The following ZSWIM7 variants were observed in gnomAD, a reference collection of about 807,000 sequenced individuals.
ZSWIM7 encodes zinc finger SWIM domain-containing protein 7.
A neutral mutation model predicts 21.1 loss-of-function variants in ZSWIM7; 22 were observed. The observed-to-expected ratio is 1.04, with a 90% CI of 0.74 to 1.49. ZSWIM7 has a LOEUF of 1.49. Ranked by LOEUF, ZSWIM7 falls within the 40% of genes most tolerant of loss-of-function variation. ZSWIM7 has a pLI of 0.00. For synonymous variants in ZSWIM7, 67 were observed against 66.5 expected, an observed-to-expected ratio of 1.01 and a Z score of -0.04; for missense variants, 193 against 168.0, an observed-to-expected ratio of 1.15 and a Z score of -0.82.
At chr17:15,989,470 C>T (rs571570292) in intron 2 of ZSWIM7, among the ~76,000 whole-genome samples, 73 of 152,052 alleles carry the variant, frequency 4.8e-4, no homozygotes, top group African/African-American at 1.4e-3. Context: ...GTGCAGGCCA[C>T]CATGCCCAGG....
chr17:15,991,914 G>GTTTGT (rs1232326492), intron 2 of ZSWIM7, among the ~76,000 whole-genome samples: 2 of 49,526 alleles, frequency 4.0e-5, no homozygotes, highest in Admixed American at 2.0e-4. Flanking sequence ...GTTTTTTTTT[G>GTTTGT]TTTGTTTTGT....
chr17:15,989,444 G>A (rs550980170), intron 2 of ZSWIM7, among the ~76,000 whole-genome samples: 1 of 152,030 alleles, frequency 6.6e-6, no homozygotes, highest in South Asian at 2.1e-4. Flanking sequence ...AGCCTCCTGA[G>A]TAGCTGGGAT....
chr17:15,989,938 C>T lies in ZSWIM7; in HGVS notation c.99-2570G>A, dbSNP rs1055847811. Among the ~76,000 whole-genome samples, 5 of 152,054 alleles carry T rather than the reference C, an allele frequency of 3.3e-5. No homozygotes were observed. The South Asian group carries it at 6.2e-4, about 19-fold the overall frequency. On this transcript the variant is annotated intron_variant, in intron 2 of 4. Coordinates refer to ENST00000399277, the MANE Select transcript of ZSWIM7 (RefSeq NM_001042697.2). ...TTAATTTTTTGAAAAGGCAATAAAC[C>T]GGCCAGGCGCGGTGGCTCACACCTG... is the stretch of plus-strand genomic sequence containing the variant.
At chr17:15,997,569 C>T (rs901795071) in intron 1 of ZSWIM7, among the ~76,000 whole-genome samples, 1 of 152,038 alleles carries the variant, frequency 6.6e-6, no homozygotes, top group African/African-American at 2.4e-5. Flanking sequence ...TATCATCATA[C>T]AAATAAAACT....
intron 2 of ZSWIM7, among the ~76,000 whole-genome samples, 162 bp from the exon 3 acceptor site, chr17:15,987,530 ATTAATG>A (rs1263123719): frequency 6.6e-6 from 1 of 152,168 alleles, no homozygotes; most frequent in African/African-American, 2.4e-5. Context: ...ACTCCCCAGA[ATTAATG>A]TTAATATCTT....
rs185941188 is a variant in ZSWIM7 at position 15,979,901 on chromosome 17, C to T, written c.306+1139G>A. ...CTGACCCCCCCACCTCCCTCCCGGA[C>T]GGGGGGCTGAACCCCCCACCTCCCT... is the stretch of plus-strand genomic sequence containing the variant. On this transcript the variant is annotated intron_variant, in intron 4 of 4. Transcript: ENST00000399277. 2.3e-3 allele frequency among the ~76,000 whole-genome samples: 81 copies of T among 35,424 alleles called. 6 individuals are homozygous for T. The highest frequency in any genetic ancestry group is 7.6e-3 in the African/African-American group (41 of 5,416). The allele number at this position is 35,424 out of a possible 152,430, so 23.2% of individuals were successfully genotyped here. A position where few individuals can be genotyped will look rare whatever the true frequency, so the allele number is the denominator to read the frequency against.
chr17:15,997,423 G>A (rs1377938612), intron 1 of ZSWIM7, among the ~76,000 whole-genome samples: 2 of 152,080 alleles, frequency 1.3e-5, no homozygotes, highest in Non-Finnish European at 2.9e-5. Flanking sequence ...GGTTAAAGTA[G>A]GAATAAATAT....
At chr17:15,979,177 A>AGTG in intron 4 of ZSWIM7, among the ~76,000 whole-genome samples, 1 of 151,520 alleles carries the variant, frequency 6.6e-6, no homozygotes, top group East Asian at 1.9e-4. Context: ...GAGATTAGGG[A>AGTG]GTGGTGATGA....
intron 1 of ZSWIM7, among the ~76,000 whole-genome samples, chr17:15,997,242 C>T (rs1970566330): frequency 6.6e-6 from 1 of 151,776 alleles, no homozygotes; most frequent in Non-Finnish European, 1.5e-5. Context: ...ACAGAGAATT[C>T]CCAGATAATA....
chr17:15,981,694 ACCCCCCC>A (rs199881543), intron 3 of ZSWIM7, among the ~76,000 whole-genome samples: 1 of 150,694 alleles, frequency 6.6e-6, no homozygotes, highest in Non-Finnish European at 1.5e-5. Context: ...GGATCACTTG[ACCCCCCC>A]CAGAGTTCAA....
intron 3 of ZSWIM7, among the ~76,000 whole-genome samples, chr17:15,986,387 G>T (rs866420122): frequency 1.3e-5 from 2 of 152,094 alleles, no homozygotes; most frequent in African/African-American, 4.8e-5. Context: ...TTTGTTAAGT[G>T]AAACTATGCT....
At chr17:15,997,805 G>GA (rs1352749204) in intron 1 of ZSWIM7, among the ~76,000 whole-genome samples, 4 of 151,984 alleles carry the variant, frequency 2.6e-5, no homozygotes, top group South Asian at 2.1e-4. Context: ...TTGTTGGAGG[G>GA]AAAAAACCCA....
rs551134103 is a variant in ZSWIM7 at position 15,979,013 on chromosome 17, T to C, written c.307-850A>G. ...TTATTTATTTATTTATTTTTATTGA[T>C]CATTCTTGGGTGTTTCTCACAGAGG... On this transcript the variant is annotated intron_variant, in intron 4 of 4. Transcript: ENST00000399277. Among the ~76,000 whole-genome samples the C allele has an allele frequency of 2.6e-4, 39 of 151,218 alleles. 1 individual carries two copies. The highest frequency in any genetic ancestry group is 2.3e-3 in the Admixed American group (35 of 15,162).
intron 1 of ZSWIM7, among the ~76,000 whole-genome samples, chr17:15,996,738 T>C (rs958616670): frequency 4.0e-5 from 6 of 151,760 alleles, no homozygotes; most frequent in Non-Finnish European, 1.5e-5. Flanking sequence ...GTGGTACCAG[T>C]TACTCAGGAG....
rs564927051 is a variant in ZSWIM7, at chr17:15,977,864, C to T, written c.*183G>A. 7.1e-6 allele frequency: 4 copies of T among 565,152 alleles called. No homozygotes were observed. Among genetic ancestry groups the T allele is most frequent in the Non-Finnish European group, 1.3e-5 (4 of 312,272 alleles). 35.0% of individuals were successfully genotyped at this position (565,152 alleles called of 1,614,324 possible). ...AGACTGTACAGGGCTTCTCATCATA[C>T]ACAAACCCTCCACAGCCCACGGCTC... On this transcript the variant is annotated 3_prime_UTR_variant, in exon 5 of 5. Transcript: ENST00000399277.
At chr17:15,978,232 T>C in intron 4 of ZSWIM7, 69 bp from the exon 5 acceptor site, 1 of 1,081,660 alleles carries the variant, frequency 9.2e-7, no homozygotes, top group Non-Finnish European at 1.4e-6. Context: ...AACCAAGATT[T>C]CTCATTACCA....
chr17:15,990,450 A>G (rs1017168485), intron 2 of ZSWIM7, among the ~76,000 whole-genome samples: 2 of 151,810 alleles, frequency 1.3e-5, no homozygotes, highest in Non-Finnish European at 2.9e-5. Context: ...GATTCAAGTG[A>G]TTCTCCTGCT....
Position 15,977,942 on chromosome 17 carries a change from G to GT in ZSWIM7, c.*104dup. On this transcript the variant is annotated 3_prime_UTR_variant, in exon 5 of 5. Transcript: ENST00000399277. ...GAGGGAAAAGGGACAGTAACATGAA[G>GT]TGTCTGAAGATCCATTTCACCTCTT... 1.1e-6 allele frequency: 1 copy of GT among 923,376 alleles called. No homozygotes were observed. Among genetic ancestry groups the GT allele is most frequent in the Non-Finnish European group, 1.7e-6 (1 of 579,754 alleles). The allele number at this position is 923,376 out of a possible 1,614,324, so 57.2% of individuals were successfully genotyped here. A position where few individuals can be genotyped will look rare whatever the true frequency, so the allele number is the denominator to read the frequency against.
chr17:15,992,862 T>A (rs981814930), intron 2 of ZSWIM7, among the ~76,000 whole-genome samples: 1 of 152,194 alleles, frequency 6.6e-6, no homozygotes, highest in African/African-American at 2.4e-5. Flanking sequence ...TTATTCCTAG[T>A]TTCTAAGAGT....
Sources: allele counts gnomAD v4.1 joint callset (sites outside exome capture counted in the v4.1 genomes callset), GRCh38; gene constraint gnomAD v4.1.1; transcripts MANE v1.5; gene names NCBI Gene and HGNC (gene_info 2026-07-23, HGNC 2026-07-21).